The following SH3KBP1 variants were observed in gnomAD, a reference collection of about 807,000 sequenced individuals.
SH3KBP1 encodes the protein SH3 domain containing kinase binding protein 1.
In SH3KBP1, 8 loss-of-function variants were observed where a neutral mutation model predicts 50.1. That is an observed-to-expected ratio of 0.16 (90% CI 0.09 to 0.29). The LOEUF (loss-of-function observed/expected upper bound fraction) is 0.29, where lower values mean the gene tolerates loss of function less well. SH3KBP1 is among the 10% of genes least tolerant of loss of function. SH3KBP1 has a pLI of 1.00. For synonymous variants in SH3KBP1, 227 were observed against 218.6 expected, an observed-to-expected ratio of 1.04 and a Z score of -0.34; for missense variants, 377 against 535.2, an observed-to-expected ratio of 0.70 and a Z score of 2.92.
intron 4 of SH3KBP1, among the ~76,000 whole-genome samples, chrX:19,705,861 G>A (rs1028587731): frequency 3.6e-5 from 4 of 111,790 alleles, no homozygotes; most frequent in Non-Finnish European, 7.5e-5. Flanking sequence ...TGCACTGTAG[G>A]GCACTATGTA....
chrX:19,729,735 G>A (rs746636257), intron 3 of SH3KBP1, among the ~76,000 whole-genome samples: 1 of 111,162 alleles, frequency 9.0e-6, no homozygotes, highest in South Asian at 3.8e-4. Context: ...GAAGGATGGA[G>A]AGAGAGTCAG....
chrX:19,774,534 G>A (rs2065899609), intron 2 of SH3KBP1, among the ~76,000 whole-genome samples: 1 of 109,145 alleles, frequency 9.2e-6, no homozygotes, highest in East Asian at 2.9e-4. Context: ...AGCCAGGCGT[G>A]GTGGCAGGCG....
chrX:19,781,986 C>T lies in SH3KBP1; in HGVS notation c.163-35545G>A, dbSNP rs1432743125. Among the ~76,000 whole-genome samples the T allele has an allele frequency of 7.2e-5, 8 of 111,511 alleles. No individual in the cohort carries two copies. The East Asian group carries it at 1.9e-3, about 27-fold the overall frequency. On this transcript the variant is annotated intron_variant, in intron 2 of 17. Coordinates refer to ENST00000397821, the MANE Select transcript of SH3KBP1 (RefSeq NM_031892.3). ...CTTTTCAAGGCCCCATCCTGAATTG[C>T]TACTCCTACTGTGGTAAATTGAATG...
chrX:19,677,617 CACT>C (rs949139650), intron 6 of SH3KBP1, among the ~76,000 whole-genome samples: 1 of 112,438 alleles, frequency 8.9e-6, no homozygotes, highest in African/African-American at 3.2e-5. Flanking sequence ...CTTCTCTCTC[CACT>C]GTTTTCTAAT....
chrX:19,605,121 A>G (rs765184634), intron 9 of SH3KBP1, among the ~76,000 whole-genome samples: 2 of 110,788 alleles, frequency 1.8e-5, no homozygotes, highest in Non-Finnish European at 3.8e-5. Context: ...CAGAGCTTCT[A>G]GAAAAGTACT....
intron 2 of SH3KBP1, among the ~76,000 whole-genome samples, chrX:19,790,136 G>A (rs1049457145): frequency 2.7e-5 from 3 of 109,292 alleles, no homozygotes; most frequent in Non-Finnish European, 3.8e-5. Context: ...AAAAAATCCT[G>A]GCCAAGAATA....
intron 2 of SH3KBP1, among the ~76,000 whole-genome samples, chrX:19,761,315 GAGGA>G (rs1160956631): frequency 3.6e-5 from 3 of 84,379 alleles, no homozygotes; most frequent in Non-Finnish European, 4.6e-5. Context: ...GAGGGACGAA[GAGGA>G]AGGAAGGACA....
chrX:19,646,762 A>G lies in SH3KBP1; in HGVS notation c.727-1287T>C, dbSNP rs185635929. ...AGAGGATAAGATAAATCAAATCCTCAGCCCTTCATGAATTTTTAAAAACAT... is the reference window on the plus strand; with the variant it reads ...AGAGGATAAGATAAATCAAATCCTCGGCCCTTCATGAATTTTTAAAAACAT... On this transcript the variant is annotated intron_variant, in intron 6 of 17. Coordinates refer to ENST00000397821, the MANE Select transcript of SH3KBP1 (RefSeq NM_031892.3). 1.8e-3 allele frequency among the ~76,000 whole-genome samples: 202 copies of G among 112,930 alleles called. 1 individual carries two copies. Among genetic ancestry groups the G allele is most frequent in the African/African-American group, 6.2e-3 (194 of 31,122 alleles).
At chrX:19,621,217 G>A (rs1042230268) in intron 8 of SH3KBP1, among the ~76,000 whole-genome samples, 1 of 102,513 alleles carries the variant, frequency 9.8e-6, no homozygotes, top group African/African-American at 3.6e-5. Context: ...TGGGACTACA[G>A]GTGCCCGCCA....
At chrX:19,552,374 G>A (rs1034377857) in intron 13 of SH3KBP1, among the ~76,000 whole-genome samples, 2 of 110,826 alleles carry the variant, frequency 1.8e-5, no homozygotes, top group East Asian at 2.8e-4. Context: ...GGGGCCGGGC[G>A]GGGTGCTGGT....
At position 19,542,203 on chromosome X, in the gene SH3KBP1, G is replaced by A. The variant is rs1008471841; in HGVS notation, c.1624-10C>T. 1.7e-6 allele frequency: 2 copies of A among 1,160,089 alleles called. No homozygotes were observed. Among genetic ancestry groups the A allele is most frequent in the African/African-American group, 3.6e-5 (2 of 55,427 alleles). ...CTTTGTTGTCAGACACCTGTGACGAGGGAAGGCAGGGAGGGTTCAGGGCCG... is the reference window on the plus strand; with the variant it reads ...CTTTGTTGTCAGACACCTGTGACGAAGGAAGGCAGGGAGGGTTCAGGGCCG... On this transcript the variant is annotated splice_polypyrimidine_tract_variant and intron_variant, in intron 15 of 17. Transcript: ENST00000397821.
intron 6 of SH3KBP1, among the ~76,000 whole-genome samples, chrX:19,682,061 C>A (rs915509997): frequency 9.1e-6 from 1 of 110,010 alleles, no homozygotes; most frequent in Non-Finnish European, 1.9e-5. Context: ...TGGGAGATGG[C>A]GCTGCCTTCA....
At chrX:19,638,584 C>T (rs1052731790) in intron 7 of SH3KBP1, among the ~76,000 whole-genome samples, 8 of 111,311 alleles carry the variant, frequency 7.2e-5, no homozygotes, top group Non-Finnish European at 1.5e-4. Flanking sequence ...GATGCTCCTG[C>T]TGCTGCTAGT....
At chrX:19,874,957 G>T (rs927090804) in intron 1 of SH3KBP1, among the ~76,000 whole-genome samples, 6 of 106,570 alleles carry the variant, frequency 5.6e-5, no homozygotes, top group African/African-American at 2.1e-4. Flanking sequence ...AGAAAAGGTA[G>T]GGGGAGAGAG....
At chrX:19,681,125 C>T (rs902921846) in intron 6 of SH3KBP1, among the ~76,000 whole-genome samples, 6 of 111,632 alleles carry the variant, frequency 5.4e-5, no homozygotes, top group East Asian at 2.8e-4. Context: ...CAAAATGCTC[C>T]GATGAACATT....
In SH3KBP1 at chrX:19,719,299, G is replaced by A. The variant is rs753576784; in HGVS notation, c.287-12315C>T. 7.6e-4 allele frequency among the ~76,000 whole-genome samples: 84 copies of A among 111,081 alleles called. 1 individual carries two copies. Among genetic ancestry groups the A allele is most frequent in the African/African-American group, 2.6e-3 (80 of 30,483 alleles). ...CTAGATCCCTATGTGGACCCCAGGT[G>A]CCATATATCTAGAAAATCCCCGATC... On this transcript the variant is annotated intron_variant, in intron 3 of 17. Coordinates refer to ENST00000397821, the MANE Select transcript of SH3KBP1 (RefSeq NM_031892.3).
chrX:19,830,238 T>C (rs1304454240), intron 2 of SH3KBP1, among the ~76,000 whole-genome samples: 1 of 110,128 alleles, frequency 9.1e-6, no homozygotes, highest in East Asian at 2.8e-4. Context: ...CCAACGACTC[T>C]GACATTTCCC....
chrX:19,575,413 T>C (rs1479895553), intron 12 of SH3KBP1, among the ~76,000 whole-genome samples: 5 of 110,844 alleles, frequency 4.5e-5, no homozygotes, highest in African/African-American at 1.6e-4. Flanking sequence ...GATGGTCGGA[T>C]AGCCTGAACC....
At chrX:19,839,833 G>A in intron 1 of SH3KBP1, among the ~76,000 whole-genome samples, 1 of 111,478 alleles carries the variant, frequency 9.0e-6, no homozygotes, top group Non-Finnish European at 1.9e-5. Flanking sequence ...TTCTGCTGGG[G>A]CCCCTATAAG....
Sources: allele counts gnomAD v4.1 joint callset (sites outside exome capture counted in the v4.1 genomes callset), GRCh38; gene constraint gnomAD v4.1.1; transcripts MANE v1.5; gene names NCBI Gene and HGNC (gene_info 2026-07-23, HGNC 2026-07-21).